Variants in ZWILCH observed in about 807,000 individuals in gnomAD.
ZWILCH encodes protein zwilch homolog.
Under a neutral mutation model 79.9 loss-of-function variants are expected in ZWILCH, and 74 were observed. The observed-to-expected ratio is 0.93, with a 90% CI of 0.77 to 1.12. ZWILCH has a LOEUF of 1.12. ZWILCH is among the 50% of genes most tolerant of loss of function. ZWILCH has a pLI of 0.00. For missense variants in ZWILCH, 694 were observed against 687.5 expected (o/e 1.01, Z -0.11); for synonymous variants, 241 against 228.2 (o/e 1.06, Z -0.51).
Position 66,540,075 on chromosome 15 carries a change from T to C in ZWILCH, c.1575-23T>C, listed in dbSNP as rs181356831. On this transcript the variant is annotated intron_variant, in intron 16 of 18. Coordinates refer to ENST00000307897, the MANE Select transcript of ZWILCH (RefSeq NM_017975.5). ...ATGGCTGTTTTTGAAAATTTTTCTT[T>C]TGTCGTTTTATTCTTTCCTTAGTGA... is the stretch of plus-strand genomic sequence containing the variant. 58 of 1,572,702 alleles carry C rather than the reference T, an allele frequency of 3.7e-5. No individual in the cohort carries two copies. In the African/African-American group the frequency reaches 6.6e-4, roughly 18 times the overall value.
chr15:66,514,715 T>A (rs1017043926), intron 3 of ZWILCH, among the ~76,000 whole-genome samples: 1 of 152,184 alleles, frequency 6.6e-6, no homozygotes, highest in Non-Finnish European at 1.5e-5. Flanking sequence ...ACTGAAAAAC[T>A]CCCTTGTTGT....
rs1481166354 is a variant in ZWILCH, at chr15:66,515,660, T to C, written c.320+16T>C. The C allele has an allele frequency of 1.3e-6, 2 of 1,542,804 alleles. No individual in the cohort carries two copies. Among genetic ancestry groups the C allele is most frequent in the East Asian group, 2.2e-5 (1 of 44,530 alleles). The stretch of plus-strand genomic sequence containing the variant: ...GGAAGGCAAGGTAGGTTTTCTCTTA[T>C]GCTGAGTAGGGGTGGCAACTAGGAT... On this transcript the variant is annotated intron_variant, in intron 4 of 18. Coordinates refer to ENST00000307897, the MANE Select transcript of ZWILCH (RefSeq NM_017975.5).
rs1034698874 is a variant in ZWILCH, at chr15:66,520,973, A to T, written c.592-77A>T. ...TGCTCTTTTTTCTTTTGGGACAAGG[A>T]TCAAAATAATTTGGGTAATGGACTC... On this transcript the variant is annotated intron_variant, in intron 6 of 18. Transcript: ENST00000307897. 9.3e-6 allele frequency: 14 copies of T among 1,504,006 alleles called. No individual in the cohort carries two copies. In the African/African-American group the frequency reaches 2.0e-4, roughly 21 times the overall value. The allele number at this position is 1,504,006 out of a possible 1,614,324, so 93.2% of individuals were successfully genotyped here. A position where few individuals can be genotyped will look rare whatever the true frequency, so the allele number is the denominator to read the frequency against.
rs1895481175 is a variant in ZWILCH, at chr15:66,548,800, T to G, written c.*476T>G. On this transcript the variant is annotated 3_prime_UTR_variant, in exon 19 of 19. Transcript: ENST00000307897. The stretch of plus-strand genomic sequence containing the variant: ...GAAAATGTTATAAGAGCTTTGTAAA[T>G]ATTTCAGAAAATATGGGATAAATGC... 2.6e-6 allele frequency: 1 copy of G among 379,778 alleles called. No homozygotes were observed. Among genetic ancestry groups the G allele is most frequent in the Non-Finnish European group, 4.8e-6 (1 of 209,718 alleles). 23.5% of individuals were successfully genotyped at this position (379,778 alleles called of 1,614,324 possible).
In ZWILCH at chr15:66,515,601, G is replaced by A; in HGVS notation, c.277G>A (p.Gly93Ser). 1 of 1,613,836 alleles carries A rather than the reference G, an allele frequency of 6.2e-7. No individual in the cohort carries two copies. The highest frequency in any genetic ancestry group is 1.3e-5 in the African/African-American group (1 of 75,004). Reference protein sequence around the residue: ...EETAISDFSTGENVGPLALPV... With the variant: ...EETAISDFSTSENVGPLALPV... Reference sequence around the variant, plus strand: ...AACTGCCATATCTGATTTCTCTACTGGCGAAAATGTTGGACCACTTGCTTT... The same window carrying A: ...AACTGCCATATCTGATTTCTCTACTAGCGAAAATGTTGGACCACTTGCTTT... The change falls in exon 4 of 19, where the codon GGC (glycine) becomes AGC (serine). Residue 93 changes from glycine (G) to serine (S), a missense_variant. Coordinates refer to ENST00000307897, the MANE Select transcript of ZWILCH (RefSeq NM_017975.5).
At chr15:66,529,669 G>C in intron 12 of ZWILCH, 96 bp downstream of exon 12, 1 of 909,100 alleles carries the variant, frequency 1.1e-6, no homozygotes. Flanking sequence ...CTGAATTTCA[G>C]CTCTGCTACT....
At chr15:66,548,177 T>C (rs1322850967) in intron 18 of ZWILCH, 174 bp from the exon 19 acceptor site, 1 of 190,192 alleles carries the variant, frequency 5.3e-6, no homozygotes, top group Non-Finnish European at 1.1e-5. Context: ...TTTAGAGTGA[T>C]AAACAATCAA....
In ZWILCH at chr15:66,517,430, G is replaced by GTGTGTGTATATATATATATATATATA; in HGVS notation, c.321-1448_321-1447insGTGTGTATATATATATATATATATAT. 6.3e-4 allele frequency among the ~76,000 whole-genome samples: 42 copies of GTGTGTGTATATATATATATATATATA among 66,478 alleles called. 1 individual carries two copies. Among genetic ancestry groups the GTGTGTGTATATATATATATATATATA allele is most frequent in the African/African-American group, 1.9e-3 (31 of 16,300 alleles). 43.6% of individuals were successfully genotyped at this position (66,478 alleles called of 152,430 possible). On this transcript the variant is annotated intron_variant, in intron 4 of 18. Transcript: ENST00000307897. ...TGTTTGTGTGTGCGTGTGTGTGTGT[G>GTGTGTGTATATATATATATATATATA]TATATATATATATATATATATATAT...
In ZWILCH at chr15:66,532,254, G is replaced by A. The variant is rs753652498; in HGVS notation, c.1163G>A (p.Ser388Asn). The A allele has an allele frequency of 1.3e-6, 2 of 1,582,892 alleles. No homozygotes were observed. Among genetic ancestry groups the A allele is most frequent in the Non-Finnish European group, 1.7e-6 (2 of 1,169,358 alleles). Residue 388 changes from serine (S) to asparagine (N), a missense_variant, in exon 13 of 19, where the codon AGT becomes AAT. Physicochemically the swap from Ser to Asn is conservative, Grantham distance 46 (BLOSUM62 1). Transcript: ENST00000307897. Reference sequence around the variant, plus strand: ...AATTTTCCTGATTTCTAGCTCCATAGTGGAAGTAACAGTTTACTAAGTAAG... The same window carrying A: ...AATTTTCCTGATTTCTAGCTCCATAATGGAAGTAACAGTTTACTAAGTAAG... ...QRGDIQPWLHSGSNSLLSKLI... is the reference protein window; with the variant it reads ...QRGDIQPWLHNGSNSLLSKLI...
chr15:66,535,336 AGT>A (rs1418443957), intron 14 of ZWILCH, among the ~76,000 whole-genome samples: 1 of 152,190 alleles, frequency 6.6e-6, no homozygotes, highest in Non-Finnish European at 1.5e-5. Flanking sequence ...ACAGCTACAA[AGT>A]CACTACTGGC....
chr15:66,519,085 GCT>G lies in ZWILCH; in HGVS notation c.520+14_520+15del, dbSNP rs768547597. ...TATGTGGTCAGTTGTAAAGGTGAGT[GCT>G]CTCTCTAGAGAGTGTGTGTGTGTAT... On this transcript the variant is annotated splice_region_variant and intron_variant, in intron 5 of 18. Transcript: ENST00000307897. The G allele has an allele frequency of 6.9e-5, 112 of 1,612,750 alleles. No homozygotes were observed. Among genetic ancestry groups the G allele is most frequent in the Non-Finnish European group, 8.7e-5 (102 of 1,178,868 alleles).
rs1339604972 is a variant in ZWILCH at position 66,521,130 on chromosome 15, G to C, written c.672G>C (p.Ala224=). ...LDDTITASQT[A]IALDISWSPV... ...ATACAATCACAGCATCACAAACTGC[G>C]ATCGCTTTGGATATTTCCTGGAGTC... Residue 224 remains alanine (A), a synonymous_variant, in exon 7 of 19, where the codon GCG becomes GCC. Coordinates refer to ENST00000307897, the MANE Select transcript of ZWILCH (RefSeq NM_017975.5). 6.2e-7 allele frequency: 1 copy of C among 1,613,950 alleles called. No individual in the cohort carries two copies. The highest frequency in any genetic ancestry group is 1.3e-5 in the African/African-American group (1 of 74,922).
Position 66,549,283 on chromosome 15 carries a change from A to G in ZWILCH, c.*959A>G, listed in dbSNP as rs1895503215. 1 of 152,188 alleles carries G rather than the reference A, an allele frequency of 6.6e-6. No individual in the cohort carries two copies. Among genetic ancestry groups the G allele is most frequent in the African/African-American group, 2.4e-5 (1 of 41,442 alleles). The allele number at this position is 152,188 out of a possible 1,614,324, so 9.4% of individuals were successfully genotyped here. ...TTTATTTTAGTTTAATGGAATATAC[A>G]TTCTTAGTATTGCCTGATTATTTAA... On this transcript the variant is annotated 3_prime_UTR_variant, in exon 19 of 19. Coordinates refer to ENST00000307897, the MANE Select transcript of ZWILCH (RefSeq NM_017975.5).
In ZWILCH at chr15:66,546,708, A is replaced by C; in HGVS notation, c.*26+3A>C. ...GTGCTGATGAAGTCCTCTATAAGGT[A>C]TTTATGTTCACATTTTAGTCTCTTT... On this transcript the variant is annotated splice_donor_region_variant and intron_variant, in intron 18 of 18. Coordinates refer to ENST00000307897, the MANE Select transcript of ZWILCH (RefSeq NM_017975.5). The C allele has an allele frequency of 6.7e-7, 1 of 1,490,146 alleles. No individual in the cohort carries two copies. Among genetic ancestry groups the C allele is most frequent in the Non-Finnish European group, 9.1e-7 (1 of 1,093,746 alleles). 92.3% of individuals were successfully genotyped at this position (1,490,146 alleles called of 1,614,324 possible). A position where few individuals can be genotyped will look rare whatever the true frequency, so the allele number is the denominator to read the frequency against.
chr15:66,521,347 C>A, intron 7 of ZWILCH, 142 bp downstream of exon 7: 1 of 913,848 alleles, frequency 1.1e-6, no homozygotes, highest in Non-Finnish European at 1.7e-6. Flanking sequence ...CACCTTGCCA[C>A]TAACGTCTCA....
chr15:66,534,381 A>G (rs545657934), intron 14 of ZWILCH, among the ~76,000 whole-genome samples: 2 of 152,300 alleles, frequency 1.3e-5, no homozygotes, highest in African/African-American at 4.8e-5. Context: ...GGATCATGGT[A>G]CCAATCCTCC....
At chr15:66,532,202 T>A in intron 12 of ZWILCH, 45 bp from the exon 13 acceptor site, 1 of 1,450,022 alleles carries the variant, frequency 6.9e-7, no homozygotes, top group Non-Finnish European at 9.2e-7. Flanking sequence ...GTTGGGTTTA[T>A]TTATATATTT....
intron 16 of ZWILCH, among the ~76,000 whole-genome samples, chr15:66,537,724 CATTTT>C (rs1895060537): frequency 6.6e-6 from 1 of 151,910 alleles, no homozygotes; most frequent in African/African-American, 2.4e-5. Context: ...AATAAATAAG[CATTTT>C]AATTTATTAT....
chr15:66,515,450 C>T (rs1171132046), intron 3 of ZWILCH, 76 bp from the exon 4 acceptor site: 10 of 876,198 alleles, frequency 1.1e-5, no homozygotes, highest in Admixed American at 2.3e-5. Flanking sequence ...TGTCATTATT[C>T]TGTAGCATAG....
Sources: allele counts gnomAD v4.1 joint callset (sites outside exome capture counted in the v4.1 genomes callset), GRCh38; gene constraint gnomAD v4.1.1; transcripts MANE v1.5; gene names NCBI Gene and HGNC (gene_info 2026-07-23, HGNC 2026-07-21).